CSMD1: variants seen among roughly 807,000 people sequenced by gnomAD.
The protein encoded by CSMD1 is CUB and Sushi multiple domains 1.
A neutral mutation model predicts 417.5 loss-of-function variants in CSMD1; 213 were observed. The ratio of observed to expected loss-of-function variants is 0.51; its 90% CI spans 0.46 to 0.57. The LOEUF is 0.57. CSMD1 is among the 20% of genes least tolerant of loss of function. The probability of loss-of-function intolerance (pLI) is 0.00; values close to 1 mark genes in which losing one functional copy is unlikely to be tolerated. For missense variants in CSMD1, 6,923 were observed against 4,529.7 expected, an observed-to-expected ratio of 1.53 and a Z score of -15.17; for synonymous variants, 2,862 against 1,736.8, an observed-to-expected ratio of 1.65 and a Z score of -16.11.
intron 5 of CSMD1, among the ~76,000 whole-genome samples, chr8:3,995,994 C>T (rs1228020216): frequency 1.3e-5 from 2 of 152,184 alleles, no homozygotes; most frequent in African/African-American, 4.8e-5. Context: ...CTCTGGCTAT[C>T]TGTGCTGATA....
intron 8 of CSMD1, among the ~76,000 whole-genome samples, chr8:3,596,336 C>G (rs531773185): frequency 6.6e-6 from 1 of 152,266 alleles, no homozygotes; most frequent in South Asian, 2.1e-4. Context: ...TAACCAGGTA[C>G]AGCATGCAGG....
chr8:4,969,803 A>T (rs1011172039), intron 1 of CSMD1, among the ~76,000 whole-genome samples: 1 of 152,078 alleles, frequency 6.6e-6, no homozygotes, highest in Non-Finnish European at 1.5e-5. Flanking sequence ...AACACTACCT[A>T]ATTTAATTGT....
chr8:4,674,538 T>A (rs1805551906), intron 1 of CSMD1, among the ~76,000 whole-genome samples: 1 of 152,136 alleles, frequency 6.6e-6, no homozygotes, highest in East Asian at 1.9e-4. Flanking sequence ...GAGGAGCAAC[T>A]TGACCATAAT....
At chr8:4,923,750 A>C (rs554260867) in intron 1 of CSMD1, among the ~76,000 whole-genome samples, 1 of 152,264 alleles carries the variant, frequency 6.6e-6, no homozygotes, top group South Asian at 2.1e-4. Context: ...GGAACCTTGG[A>C]AAGGTCATTC....
intron 1 of CSMD1, among the ~76,000 whole-genome samples, chr8:4,978,871 G>C (rs897339120): frequency 7.3e-6 from 1 of 137,444 alleles, no homozygotes; most frequent in Non-Finnish European, 1.7e-5. Context: ...CCAGGAGGCG[G>C]AGGTTGCAGT....
intron 2 of CSMD1, among the ~76,000 whole-genome samples, chr8:4,556,109 C>G (rs180899791): frequency 6.6e-6 from 1 of 151,976 alleles, no homozygotes; most frequent in Non-Finnish European, 1.5e-5. Flanking sequence ...AATGGAAAAA[C>G]AAAATAACGC....
At chr8:4,056,078 CTT>C (rs58415435) in intron 3 of CSMD1, among the ~76,000 whole-genome samples, 84 of 97,840 alleles carry the variant, frequency 8.6e-4, no homozygotes, top group African/African-American at 3.2e-3. Flanking sequence ...TGGTGGCTTC[CTT>C]TTTTTTTTTT....
intron 9 of CSMD1, among the ~76,000 whole-genome samples, chr8:3,581,144 A>G (rs967860678): frequency 1.3e-5 from 2 of 152,278 alleles, no homozygotes; most frequent in Non-Finnish European, 2.9e-5. Context: ...AATCGCCCCT[A>G]AAGACTGATG....
At chr8:3,273,477 C>G (rs994327621) in intron 26 of CSMD1, among the ~76,000 whole-genome samples, 1 of 138,042 alleles carries the variant, frequency 7.2e-6, no homozygotes, top group African/African-American at 2.6e-5. Flanking sequence ...CCCTCTTTTT[C>G]TATTGATTGG....
chr8:3,523,405 G>C (rs575078018), intron 10 of CSMD1, among the ~76,000 whole-genome samples: 3 of 152,224 alleles, frequency 2.0e-5, no homozygotes, highest in African/African-American at 7.2e-5. Flanking sequence ...CTCAATGAGA[G>C]ATCAAAGCGT....
intron 3 of CSMD1, among the ~76,000 whole-genome samples, chr8:4,392,948 A>G (rs1034171539): frequency 4.6e-5 from 7 of 151,882 alleles, no homozygotes; most frequent in Non-Finnish European, 8.8e-5. Context: ...CAGACTGGGC[A>G]ACACGGTGGG....
At chr8:4,879,158 T>G (rs1803238127) in intron 1 of CSMD1, among the ~76,000 whole-genome samples, 1 of 151,950 alleles carries the variant, frequency 6.6e-6, no homozygotes, top group Middle Eastern at 3.4e-3. Context: ...CTTTAAAAAA[T>G]ATAATAAAGG....
chr8:4,158,175 G>A (rs756240905), intron 3 of CSMD1, among the ~76,000 whole-genome samples: 1 of 150,324 alleles, frequency 6.7e-6, no homozygotes, highest in South Asian at 2.1e-4. Flanking sequence ...CATTTTTAGT[G>A]AAGTCTCTCC....
intron 52 of CSMD1, among the ~76,000 whole-genome samples, chr8:3,006,309 G>A (rs1287690353): frequency 6.0e-4 from 91 of 150,976 alleles, no homozygotes; most frequent in African/African-American, 2.2e-3. Flanking sequence ...CATGCTCATG[G>A]GTAGGAAGAA....
At chr8:3,106,096 T>G (rs1816116868) in intron 46 of CSMD1, among the ~76,000 whole-genome samples, 1 of 151,870 alleles carries the variant, frequency 6.6e-6, no homozygotes, top group South Asian at 2.1e-4. Flanking sequence ...GAGCACAGAT[T>G]AAGTGCAGGC....
intron 37 of CSMD1, among the ~76,000 whole-genome samples, chr8:3,170,973 G>A (rs1001093566): frequency 5.9e-5 from 9 of 152,148 alleles, no homozygotes; most frequent in African/African-American, 1.9e-4. Flanking sequence ...ACCACTGAAG[G>A]ATTTTTAGCC....
chr8:4,979,311 T>C (rs1468390729), intron 1 of CSMD1, among the ~76,000 whole-genome samples: 2 of 152,202 alleles, frequency 1.3e-5, no homozygotes, highest in Non-Finnish European at 2.9e-5. Flanking sequence ...TGTTTCTTCT[T>C]GTAATCCTTA....
At chr8:4,686,519 G>T (rs533707719) in intron 1 of CSMD1, among the ~76,000 whole-genome samples, 1 of 152,220 alleles carries the variant, frequency 6.6e-6, no homozygotes, top group Admixed American at 6.5e-5. Flanking sequence ...CGGGAGCACA[G>T]CGAAGAACCT....
chr8:3,323,744 T>G (rs1291756728), intron 23 of CSMD1, among the ~76,000 whole-genome samples: 2 of 137,694 alleles, frequency 1.5e-5, no homozygotes, highest in Non-Finnish European at 3.1e-5. Context: ...GGAGGGAATT[T>G]CCTTCACCCC....
Sources: gnomAD v4.1 joint callset for allele counts (sites outside exome capture counted in the v4.1 genomes callset) on GRCh38, gnomAD v4.1.1 for gene constraint, MANE v1.5 for transcripts, NCBI Gene and HGNC (gene_info 2026-07-23, HGNC 2026-07-21) for gene names.